The following RUNX2 variants were observed in gnomAD, a reference collection of about 807,000 sequenced individuals.
RUNX2 encodes runt-related transcription factor 2.
Under a neutral mutation model 51.7 loss-of-function variants are expected in RUNX2, and 10 were observed. The observed-to-expected ratio is 0.19, with a 90% CI of 0.12 to 0.33. The LOEUF (loss-of-function observed/expected upper bound fraction) is 0.33, where lower values mean the gene tolerates loss of function less well. RUNX2 is among the 10% of genes least tolerant of loss of function. The pLI is 1.00. For synonymous variants in RUNX2, 276 were observed against 273.6 expected (o/e 1.01, Z -0.09); for missense variants, 562 against 691.3 (o/e 0.81, Z 2.10).
intron 2 of RUNX2, among the ~76,000 whole-genome samples, chr6:45,397,350 C>T (rs1797605940): frequency 6.6e-6 from 1 of 152,080 alleles, no homozygotes; most frequent in African/African-American, 2.4e-5. Flanking sequence ...ACCTTGTGAT[C>T]TGCCCACCTC....
intron 5 of RUNX2, among the ~76,000 whole-genome samples, chr6:45,464,170 G>T (rs996863971): frequency 1.3e-5 from 2 of 151,566 alleles, no homozygotes; most frequent in African/African-American, 2.4e-5. Context: ...TCCAGCCTGG[G>T]CGACAGAGCG....
At position 45,371,954 on chromosome 6, in the gene RUNX2, A is replaced by T. The variant is rs968692186; in HGVS notation, c.58+43170A>T. ...AGGACACACTACTATTTAGTGATAC[A>T]AGCTGGGACTAAAACTGAGGTCCCC... is the stretch of plus-strand genomic sequence containing the variant. On this transcript the variant is annotated intron_variant, in intron 2 of 8. Transcript: ENST00000647337. 4 of 789,522 alleles carry T rather than the reference A, an allele frequency of 5.1e-6. No homozygotes were observed. In the East Asian group the frequency reaches 5.0e-4, roughly 99 times the overall value. 48.9% of individuals were successfully genotyped at this position (789,522 alleles called of 1,614,324 possible). A position where few individuals can be genotyped will look rare whatever the true frequency, so the allele number is the denominator to read the frequency against.
intron 2 of RUNX2, among the ~76,000 whole-genome samples, chr6:45,374,568 T>G (rs12216308): frequency 0.21 from 32,475 of 152,212 alleles, 4,350 homozygotes; most frequent in Non-Finnish European, 0.31. Context: ...GGCTGAATTA[T>G]TTTTCATTAA....
In RUNX2 at chr6:45,549,402, A is replaced by G. The variant is rs935491956; in HGVS notation, c.*2097A>G. ...TTCCTGCCTGGGAGTCTCCCTTGGAATTCATCCTGACTCCTTCTAATAAAA... is the reference window on the plus strand; with the variant it reads ...TTCCTGCCTGGGAGTCTCCCTTGGAGTTCATCCTGACTCCTTCTAATAAAA... On this transcript the variant is annotated 3_prime_UTR_variant, in exon 9 of 9. Coordinates refer to ENST00000647337, the MANE Select transcript of RUNX2 (RefSeq NM_001024630.4). The G allele has an allele frequency of 2.5e-5, 10 of 398,428 alleles. No homozygotes were observed. The highest frequency in any genetic ancestry group is 2.1e-4 in the African/African-American group (10 of 48,620). 24.7% of individuals were successfully genotyped at this position (398,428 alleles called of 1,614,324 possible).
At chr6:45,375,666 C>G (rs1268747677) in intron 2 of RUNX2, among the ~76,000 whole-genome samples, 2 of 152,146 alleles carry the variant, frequency 1.3e-5, no homozygotes, top group South Asian at 4.1e-4. Context: ...GCCTCAGCCT[C>G]CCAAAGTGCT....
intron 5 of RUNX2, among the ~76,000 whole-genome samples, chr6:45,447,538 T>G (rs1799037240): frequency 6.6e-6 from 1 of 152,220 alleles, no homozygotes; most frequent in Admixed American, 6.5e-5. Context: ...TATATTTGTC[T>G]TATTAAAATT....
At chr6:45,494,761 T>C (rs773640773) in intron 6 of RUNX2, among the ~76,000 whole-genome samples, 13 of 152,240 alleles carry the variant, frequency 8.5e-5, no homozygotes, top group Non-Finnish European at 1.5e-4. Flanking sequence ...GAAAATGAAT[T>C]GAATAGGTTC....
At chr6:45,330,911 T>A (rs73735374) in intron 2 of RUNX2, among the ~76,000 whole-genome samples, 22,729 of 151,858 alleles carry the variant, frequency 0.15, 1,919 homozygotes, top group East Asian at 0.26. Flanking sequence ...ATTTCCCCAT[T>A]CTATAATCTA....
At chr6:45,457,259 G>A (rs552043202) in intron 5 of RUNX2, among the ~76,000 whole-genome samples, 3 of 152,292 alleles carry the variant, frequency 2.0e-5, no homozygotes, top group East Asian at 3.9e-4. Flanking sequence ...CCTTTTTAGT[G>A]TAGCAGCTTG....
At chr6:45,414,754 C>CTTTTTTTTTTTTTTTTTTTTTT (rs34672680) in intron 2 of RUNX2, among the ~76,000 whole-genome samples, 2 of 33,448 alleles carry the variant, frequency 6.0e-5, no homozygotes, top group African/African-American at 1.1e-4. Context: ...CAGATCCTGG[C>CTTTTTTTTTTTTTTTTTTTTTT]TTTTTTTTTT....
chr6:45,516,610 A>T (rs1801330008), intron 7 of RUNX2, among the ~76,000 whole-genome samples: 1 of 152,220 alleles, frequency 6.6e-6, no homozygotes, highest in Non-Finnish European at 1.5e-5. Context: ...TTTCTAAAAG[A>T]TTATTCAGTA....
At chr6:45,408,375 G>A (rs1797881675) in intron 2 of RUNX2, among the ~76,000 whole-genome samples, 1 of 152,012 alleles carries the variant, frequency 6.6e-6, no homozygotes, top group African/African-American at 2.4e-5. Flanking sequence ...TTAGGAAGGA[G>A]TATATATGAC....
At chr6:45,511,130 G>A (rs1801130135) in intron 6 of RUNX2, among the ~76,000 whole-genome samples, 1 of 152,140 alleles carries the variant, frequency 6.6e-6, no homozygotes, top group African/African-American at 2.4e-5. Context: ...TCAAGTAAGA[G>A]CAAAAGAGTT....
At chr6:45,445,514 C>T (rs1440243188) in intron 5 of RUNX2, among the ~76,000 whole-genome samples, 1 of 152,056 alleles carries the variant, frequency 6.6e-6, no homozygotes, top group Admixed American at 6.6e-5. Context: ...TGTGCCATGC[C>T]CCAGATGCTG....
intron 5 of RUNX2, among the ~76,000 whole-genome samples, chr6:45,470,810 C>T (rs1451637234): frequency 6.6e-6 from 1 of 152,188 alleles, no homozygotes; most frequent in Non-Finnish European, 1.5e-5. Context: ...GCCTCAAACT[C>T]TTGTAGCTCT....
chr6:45,499,315 A>ACT (rs1800733827), intron 6 of RUNX2, among the ~76,000 whole-genome samples: 1 of 144,382 alleles, frequency 6.9e-6, no homozygotes, highest in African/African-American at 2.6e-5. Context: ...GTGAGCAGGG[A>ACT]ATCTGTACAG....
At chr6:45,408,206 C>T (rs1001989863) in intron 2 of RUNX2, among the ~76,000 whole-genome samples, 1 of 151,448 alleles carries the variant, frequency 6.6e-6, no homozygotes, top group Admixed American at 6.6e-5. Context: ...CGCTCTGTCG[C>T]CCAGGCTGGA....
intron 6 of RUNX2, among the ~76,000 whole-genome samples, chr6:45,493,115 A>G (rs1310473450): frequency 6.6e-6 from 1 of 152,144 alleles, no homozygotes; most frequent in African/African-American, 2.4e-5. Flanking sequence ...TCTCCTGCCC[A>G]TATTATGTAA....
intron 2 of RUNX2, among the ~76,000 whole-genome samples, chr6:45,329,453 A>G (rs1787012963): frequency 1.3e-5 from 2 of 151,972 alleles, no homozygotes; most frequent in African/African-American, 2.4e-5. Flanking sequence ...AGGATATTAA[A>G]AAGTTCATGG....
Sources: allele counts gnomAD v4.1 joint callset (sites outside exome capture counted in the v4.1 genomes callset), GRCh38; gene constraint gnomAD v4.1.1; transcripts MANE v1.5; gene names NCBI Gene and HGNC (gene_info 2026-07-23, HGNC 2026-07-21).